FAT1: variants seen among roughly 807,000 people sequenced by gnomAD.
FAT1 encodes the protein FAT atypical cadherin 1.
FAT1 carries 171 observed loss-of-function variants against 329.8 expected under a neutral mutation model. That is an observed-to-expected ratio of 0.52 (90% CI 0.46 to 0.59). The LOEUF is 0.59. Among genes scored for constraint, FAT1 ranks in the 20% least tolerant of loss-of-function variants. The probability of loss-of-function intolerance (pLI) is 0.00; values close to 1 mark genes in which losing one functional copy is unlikely to be tolerated. For synonymous variants in FAT1, 2,233 were observed against 2,228.6 expected, an observed-to-expected ratio of 1.00 and a Z score of -0.06; for missense variants, 5,672 against 5,774.4, an observed-to-expected ratio of 0.98 and a Z score of 0.57.
upstream of FAT1, among the ~76,000 whole-genome samples, chr4:186,725,937 T>C (rs1044972769): frequency 5.9e-5 from 9 of 152,146 alleles, no homozygotes; most frequent in African/African-American, 2.2e-4. This position sits in a 1 kb window ranked among gnomAD's most constrained non-coding sequence, Gnocchi z 5.4. Context: ...AGCGCCCACG[T>C]CGCCGAGCGC....
In FAT1 at chr4:186,639,783, C is replaced by T. The variant is rs1196575488; in HGVS notation, c.3581G>A (p.Gly1194Asp). ...CTTCCTTGACGTAGTTGTGATGAGA[C>T]CTGTAAAATGATAACAGTTCATTAA... ...QGFFSIHPKT[G>D]LITTTSRKLD... Residue 1194 changes from glycine (G) to aspartate (D), a missense_variant and splice_region_variant, in exon 4 of 27, where the codon GGT (glycine) becomes GAT (aspartate). By Grantham distance (94) the Gly-to-Asp change is moderately conservative. Coordinates refer to ENST00000441802, the MANE Select transcript of FAT1 (RefSeq NM_005245.4). 1 of 1,610,476 alleles carries T rather than the reference C, an allele frequency of 6.2e-7. No individual in the cohort carries two copies.
rs377498159 is a variant in FAT1 at position 186,620,524 on chromosome 4, C to T, written c.6062G>A (p.Arg2021His). The change falls in exon 10 of 27, where the codon CGC (arginine) becomes CAC (histidine). Residue 2021 changes from arginine to histidine, a missense_variant. Physicochemically the swap from Arg to His is conservative, Grantham distance 29 (BLOSUM62 0). Coordinates refer to ENST00000441802, the MANE Select transcript of FAT1 (RefSeq NM_005245.4). ...PLFYHILNPD[R>H]RFKISRTSGV... ...TGAAGTGCGGCTTATTTTAAATCTG[C>T]GATCTGGGTTGAGGATGTGATAAAA... 6.1e-5 allele frequency: 99 copies of T among 1,613,940 alleles called. No homozygotes were observed. The highest frequency in any genetic ancestry group is 6.3e-5 in the Non-Finnish European group (74 of 1,179,892).
intron 2 of FAT1, among the ~76,000 whole-genome samples, chr4:186,671,045 T>C (rs929866920): frequency 6.6e-6 from 1 of 152,298 alleles, no homozygotes; most frequent in Admixed American, 6.5e-5. Flanking sequence ...TCTGCTCCAT[T>C]TTTCTGCAAA....
In FAT1 at chr4:186,644,924, G is replaced by A. The variant is rs377373647; in HGVS notation, c.3581-5141C>T. 2.6e-5 allele frequency among the ~76,000 whole-genome samples: 4 copies of A among 152,304 alleles called. No homozygotes were observed. The East Asian group carries it at 7.7e-4, about 29-fold the overall frequency. On this transcript the variant is annotated intron_variant, in intron 3 of 26. Coordinates refer to ENST00000441802, the MANE Select transcript of FAT1 (RefSeq NM_005245.4). ...GGAGATAAGACAGTCTTGTTTGCAAGAAACCAGGATGAAGGCTAGAAGTTG... is the reference window on the plus strand; with the variant it reads ...GGAGATAAGACAGTCTTGTTTGCAAAAAACCAGGATGAAGGCTAGAAGTTG...
chr4:186,660,697 C>T (rs1482686708), intron 3 of FAT1, among the ~76,000 whole-genome samples: 1 of 152,176 alleles, frequency 6.6e-6, no homozygotes, highest in Non-Finnish European at 1.5e-5. Context: ...TCTCTGCAAA[C>T]ACCTTTTCTT....
At position 186,618,147 on chromosome 4, in the gene FAT1, T is replaced by C. The variant is rs1301172349; in HGVS notation, c.8439A>G (p.Pro2813=). ...NDNSPVFESS[P]YEAFIVENLP... Reference sequence around the variant, plus strand: ...GGTTTTCAACAATGAATGCCTCATATGGACTAGATTCAAAGACCGGGCTGT... The same window carrying C: ...GGTTTTCAACAATGAATGCCTCATACGGACTAGATTCAAAGACCGGGCTGT... The change falls in exon 10 of 27, where the codon CCA becomes CCG. Residue 2813 remains proline (P), a synonymous_variant. Coordinates refer to ENST00000441802, the MANE Select transcript of FAT1 (RefSeq NM_005245.4). The C allele has an allele frequency of 9.3e-6, 15 of 1,613,950 alleles. No homozygotes were observed. Among genetic ancestry groups the C allele is most frequent in the Admixed American group, 5.0e-5 (3 of 60,012 alleles).
chr4:186,699,904 G>A (rs1744220068), intron 2 of FAT1, among the ~76,000 whole-genome samples: 1 of 152,196 alleles, frequency 6.6e-6, no homozygotes, highest in Non-Finnish European at 1.5e-5. Context: ...GTACACGGTA[G>A]GTAATACGGA....
At chr4:186,705,234 G>A (rs978716641) in intron 2 of FAT1, among the ~76,000 whole-genome samples, 2 of 151,612 alleles carry the variant, frequency 1.3e-5, no homozygotes, top group Non-Finnish European at 2.9e-5. Flanking sequence ...GTGAGCCATC[G>A]CACCCAGCCC....
At chr4:186,687,296 TTC>T (rs1319545573) in intron 2 of FAT1, among the ~76,000 whole-genome samples, 12 of 152,302 alleles carry the variant, frequency 7.9e-5, no homozygotes, top group Non-Finnish European at 1.6e-4. Context: ...TCATTTTGAT[TTC>T]TGTTTCTAAA....
intron 7 of FAT1, among the ~76,000 whole-genome samples, chr4:186,633,293 C>CA (rs961436712): frequency 6.6e-6 from 1 of 150,890 alleles, no homozygotes; most frequent in Non-Finnish European, 1.5e-5. Flanking sequence ...AGGAGGAATC[C>CA]AAAAAAAAGT....
chr4:186,708,960 CTA>C lies in FAT1; in HGVS notation c.866_867del (p.Ile289SerfsTer9), dbSNP rs776885161. On this transcript the variant is annotated frameshift_variant, in exon 2 of 27. Coordinates refer to ENST00000441802, the MANE Select transcript of FAT1 (RefSeq NM_005245.4). LOFTEE classifies it high-confidence loss of function. Reference sequence around the variant, plus strand: ...TCACCTGCCACGATGCTTAAAGATGCTATGTCACCATTGGCACCCTGATCGCA... The same window carrying C: ...TCACCTGCCACGATGCTTAAAGATGCTGTCACCATTGGCACCCTGATCGCA... ...DDCDQGANGD[I>X]ASLSIVAGDL... 1 of 1,614,036 alleles carries C rather than the reference CTA, an allele frequency of 6.2e-7. No individual in the cohort carries two copies. The highest frequency in any genetic ancestry group is 8.5e-7 in the Non-Finnish European group (1 of 1,179,902).
intron 16 of FAT1, among the ~76,000 whole-genome samples, chr4:186,607,362 C>G (rs2637774): frequency 0.48 from 72,791 of 150,766 alleles, 17,771 homozygotes; most frequent in African/African-American, 0.58. Flanking sequence ...TGGATGGATG[C>G]ATAGATGGGT....
chr4:186,598,096 T>G lies in FAT1; in HGVS notation c.12133A>C (p.Ile4045Leu). 1 of 1,612,182 alleles carries G rather than the reference T, an allele frequency of 6.2e-7. No homozygotes were observed. The highest frequency in any genetic ancestry group is 1.3e-5 in the African/African-American group (1 of 74,942). ...GYYCKCSALY[I>L]GTHCEISVNP... is the part of the protein sequence containing the mutation. ...ACGCTTATCTCACAGTGGGTCCCTA[T>G]GTACAAGGCACTGCATTTGCAGTAA... Residue 4045 changes from isoleucine (I) to leucine (L), a missense_variant, in exon 23 of 27, where the codon ATA (isoleucine) becomes CTA (leucine). Physicochemically the swap from Ile to Leu is conservative, Grantham distance 5. Around this residue, in one of 2 missense-constraint regions of FAT1, gnomAD observed 1,706 missense variants for 1,859.1 expected, o/e 0.92. Transcript: ENST00000441802.
chr4:186,670,385 C>A lies in FAT1; in HGVS notation c.3266-6772G>T, dbSNP rs764830165. Among the ~76,000 whole-genome samples the A allele has an allele frequency of 3.3e-5, 5 of 152,166 alleles. 1 individual carries two copies. Among genetic ancestry groups the A allele is most frequent in the African/African-American group, 7.2e-5 (3 of 41,438 alleles). ...ATTTTAACGATATTTTCCCTACAGGCAACAACAGACAGAAACTCTTTTCTC... is the reference window on the plus strand; with the variant it reads ...ATTTTAACGATATTTTCCCTACAGGAAACAACAGACAGAAACTCTTTTCTC... On this transcript the variant is annotated intron_variant, in intron 2 of 26. Coordinates refer to ENST00000441802, the MANE Select transcript of FAT1 (RefSeq NM_005245.4).
intron 2 of FAT1, among the ~76,000 whole-genome samples, chr4:186,693,453 G>A (rs1188711792): frequency 2.8e-5 from 3 of 107,092 alleles, no homozygotes; most frequent in Non-Finnish European, 5.7e-5. Context: ...TGCTTTCCTC[G>A]AGCACCCAGA....
Position 186,618,904 on chromosome 4 carries a change from T to G in FAT1, c.7682A>C (p.Glu2561Ala). Reference sequence around the variant, plus strand: ...CATTAAACGGACTGAGATCACTTTCTCCGCCGGGGTTTCTCGATCAAGTTT... The same window carrying G: ...CATTAAACGGACTGAGATCACTTTCGCCGCCGGGGTTTCTCGATCAAGTTT... Reference protein sequence around the residue: ...LEKLDRETPAEKVISVRLMAK... With the variant: ...LEKLDRETPAAKVISVRLMAK... The change falls in exon 10 of 27, where the codon GAG becomes GCG. Residue 2561 changes from glutamate to alanine, a missense_variant. By Grantham distance (107) the Glu-to-Ala change is moderately radical. Coordinates refer to ENST00000441802, the MANE Select transcript of FAT1 (RefSeq NM_005245.4). The G allele has an allele frequency of 1.2e-6, 2 of 1,613,988 alleles. No individual in the cohort carries two copies. The highest frequency in any genetic ancestry group is 1.7e-6 in the Non-Finnish European group (2 of 1,179,886).
chr4:186,619,798 G>A lies in FAT1; in HGVS notation c.6788C>T (p.Ala2263Val). 1 of 1,614,034 alleles carries A rather than the reference G, an allele frequency of 6.2e-7. No individual in the cohort carries two copies. Among genetic ancestry groups the A allele is most frequent in the Non-Finnish European group, 8.5e-7 (1 of 1,179,900 alleles). ...SIRATDSLTG[A>V]HAEVFVDIIV... ...GATGTCCACAAATACTTCAGCATGA[G>A]CGCCCGTCAAGGAGTCAGTTGCGCG... The change falls in exon 10 of 27, where the codon GCT (alanine) becomes GTT (valine). Residue 2263 changes from alanine (A) to valine (V), a missense_variant. By Grantham distance (64) the Ala-to-Val change is moderately conservative. Around this residue, in one of 2 missense-constraint regions of FAT1, gnomAD observed 3,966 missense variants for 3,915.2 expected, o/e 1.01. Transcript: ENST00000441802.
intron 2 of FAT1, among the ~76,000 whole-genome samples, chr4:186,704,226 C>T (rs1744468511): frequency 6.6e-6 from 1 of 152,184 alleles, no homozygotes; most frequent in African/African-American, 2.4e-5. Flanking sequence ...AACCACACTG[C>T]CCACAATCCC....
intron 2 of FAT1, among the ~76,000 whole-genome samples, chr4:186,668,944 A>G (rs1387221644): frequency 6.6e-6 from 1 of 152,170 alleles, no homozygotes; most frequent in Non-Finnish European, 1.5e-5. Context: ...CTACCTATCA[A>G]CTTTCAATAA....
Sources: gnomAD v4.1 joint callset for allele counts (sites outside exome capture counted in the v4.1 genomes callset) on GRCh38, gnomAD v4.1.1 for gene constraint, gnomAD v4.1.1 regional missense constraint, Gnocchi (gnomAD v3.1) non-coding constraint, MANE v1.5 for transcripts, NCBI Gene and HGNC (gene_info 2026-07-23, HGNC 2026-07-21) for gene names.